The following ERC2 variants were observed in gnomAD, a reference collection of about 807,000 sequenced individuals.
ERC2 encodes the protein ERC protein 2.
In ERC2, 42 loss-of-function variants were observed where a neutral mutation model predicts 114.8. The ratio of observed to expected loss-of-function variants is 0.37; its 90% CI spans 0.29 to 0.47. The LOEUF (loss-of-function observed/expected upper bound fraction) is 0.47, where lower values mean the gene tolerates loss of function less well. ERC2 is among the 20% of genes least tolerant of loss of function. ERC2 has a pLI of 0.99. For synonymous variants in ERC2, 454 were observed against 425.5 expected (o/e 1.07, Z -0.82); for missense variants, 939 against 1,150.7 (o/e 0.82, Z 2.66).
At chr3:56,460,670 G>A (rs947145196) in intron 1 of ERC2, among the ~76,000 whole-genome samples, 5 of 152,140 alleles carry the variant, frequency 3.3e-5, no homozygotes, top group African/African-American at 1.2e-4. Context: ...CAAGTAGTAA[G>A]GAACTATCTG....
At chr3:55,933,054 C>T (rs1437150826) in intron 13 of ERC2, among the ~76,000 whole-genome samples, 3 of 152,062 alleles carry the variant, frequency 2.0e-5, no homozygotes, top group South Asian at 2.1e-4. Context: ...ACTAAAACTA[C>T]AAAAATTAAC....
At chr3:56,044,728 G>C (rs1328707353) in intron 7 of ERC2, among the ~76,000 whole-genome samples, 1 of 152,028 alleles carries the variant, frequency 6.6e-6, no homozygotes, top group African/African-American at 2.4e-5. Context: ...TGTTATAAGA[G>C]TCACCGGGGG....
At chr3:56,237,106 C>A (rs1008018747) in intron 3 of ERC2, among the ~76,000 whole-genome samples, 2 of 152,124 alleles carry the variant, frequency 1.3e-5, no homozygotes, top group Non-Finnish European at 2.9e-5. Context: ...TCCTTTAGAC[C>A]AATAAGATTT....
In ERC2 at chr3:55,868,366, T is replaced by G. The variant is rs904032625; in HGVS notation, c.2564+20023A>C. The stretch of plus-strand genomic sequence containing the variant: ...GGATTCCTGTAAACTGTTTGTTGAC[T>G]GGATTTAGGAACCCTGGAGCCTGTA... On this transcript the variant is annotated intron_variant, in intron 14 of 17. Coordinates refer to ENST00000288221, the MANE Select transcript of ERC2 (RefSeq NM_015576.3). 1.2e-4 allele frequency among the ~76,000 whole-genome samples: 18 copies of G among 152,216 alleles called. 1 individual carries two copies. The highest frequency in any genetic ancestry group is 2.9e-4 in the African/African-American group (12 of 41,470).
At chr3:55,985,880 G>A in intron 12 of ERC2, 97 bp downstream of exon 12, 1 of 1,162,122 alleles carries the variant, frequency 8.6e-7, no homozygotes, top group Non-Finnish European at 1.2e-6. Flanking sequence ...AGTGGCCCGA[G>A]GAAAACCATT....
intron 4 of ERC2, among the ~76,000 whole-genome samples, chr3:56,149,989 A>C (rs572281423): frequency 6.6e-6 from 1 of 152,162 alleles, no homozygotes; most frequent in South Asian, 2.1e-4. Flanking sequence ...ATGACGAAAA[A>C]TTTTTCCACA....
intron 17 of ERC2, among the ~76,000 whole-genome samples, chr3:55,676,762 A>T (rs1185825035): frequency 6.6e-6 from 1 of 152,180 alleles, no homozygotes; most frequent in Non-Finnish European, 1.5e-5. Context: ...ACTCTAAAGC[A>T]AATGACAAAA....
chr3:56,441,912 G>C (rs938197042), intron 1 of ERC2, among the ~76,000 whole-genome samples: 1 of 152,198 alleles, frequency 6.6e-6, no homozygotes, highest in Non-Finnish European at 1.5e-5. Context: ...AGTGGCGTGT[G>C]CCTGTAGTCC....
At chr3:56,066,117 T>C (rs1186452448) in intron 7 of ERC2, among the ~76,000 whole-genome samples, 1 of 152,198 alleles carries the variant, frequency 6.6e-6, no homozygotes, top group Non-Finnish European at 1.5e-5. Flanking sequence ...CTTTGAGGAA[T>C]CACCACTGTC....
chr3:55,554,459 C>T (rs1453239011), intron 17 of ERC2, among the ~76,000 whole-genome samples: 3 of 152,132 alleles, frequency 2.0e-5, no homozygotes, highest in Non-Finnish European at 1.5e-5. Flanking sequence ...GCAGACGGGA[C>T]CTGAAGGAGT....
intron 2 of ERC2, among the ~76,000 whole-genome samples, chr3:56,405,610 T>C (rs1013517356): frequency 6.6e-6 from 1 of 150,894 alleles, no homozygotes; most frequent in African/African-American, 2.5e-5. Context: ...CATAGATAGA[T>C]GGATAGATGG....
intron 7 of ERC2, among the ~76,000 whole-genome samples, chr3:56,027,139 T>C (rs1017658533): frequency 6.6e-6 from 1 of 152,258 alleles, no homozygotes. Flanking sequence ...GTTATAGTTA[T>C]CAACAACTTC....
At chr3:55,550,465 T>A (rs2055089688) in intron 17 of ERC2, among the ~76,000 whole-genome samples, 1 of 152,212 alleles carries the variant, frequency 6.6e-6, no homozygotes, top group South Asian at 2.1e-4. Flanking sequence ...GTTGAACCAA[T>A]GCATAAATAA....
intron 7 of ERC2, among the ~76,000 whole-genome samples, chr3:56,030,411 G>C (rs1056705894): frequency 3.3e-5 from 5 of 152,018 alleles, no homozygotes; most frequent in African/African-American, 1.2e-4. Flanking sequence ...GCTGATAGTG[G>C]TATGTTGAAG....
At chr3:55,862,375 T>C (rs908674063) in intron 14 of ERC2, among the ~76,000 whole-genome samples, 1 of 152,148 alleles carries the variant, frequency 6.6e-6, no homozygotes, top group Non-Finnish European at 1.5e-5. Flanking sequence ...TATGGAAAGA[T>C]GTCCTTTCCT....
intron 2 of ERC2, among the ~76,000 whole-genome samples, chr3:56,316,102 A>G (rs564741983): frequency 6.6e-6 from 1 of 151,930 alleles, no homozygotes; most frequent in Non-Finnish European, 1.5e-5. Flanking sequence ...TCTGTACTCT[A>G]TTTAAGATGC....
chr3:55,619,905 G>A (rs959792578), intron 17 of ERC2, among the ~76,000 whole-genome samples: 18 of 152,288 alleles, frequency 1.2e-4, no homozygotes, highest in Middle Eastern at 3.4e-3. Flanking sequence ...TTCATCTCTT[G>A]AGTTCAAAGA....
At position 55,743,794 on chromosome 3, in the gene ERC2, T is replaced by C. The variant is rs563946973; in HGVS notation, c.2565-8876A>G. ...GAGTTTGAATCTCAGGGATAACCTT[T>C]TGACTGTGGCCCTGGGTAAGTTACT... On this transcript the variant is annotated intron_variant, in intron 14 of 17. Transcript: ENST00000288221. Among the ~76,000 whole-genome samples the C allele has an allele frequency of 2.0e-5, 3 of 152,208 alleles. No homozygotes were observed. In the East Asian group the frequency reaches 5.8e-4, roughly 29 times the overall value.
intron 12 of ERC2, among the ~76,000 whole-genome samples, chr3:55,962,473 T>C (rs1055507555): frequency 6.6e-6 from 1 of 152,226 alleles, no homozygotes; most frequent in African/African-American, 2.4e-5. Context: ...CAATAAAACT[T>C]TATTTGCAAG....
Sources: allele counts gnomAD v4.1 joint callset (sites outside exome capture counted in the v4.1 genomes callset), GRCh38; gene constraint gnomAD v4.1.1; transcripts MANE v1.5; gene names NCBI Gene and HGNC (gene_info 2026-07-23, HGNC 2026-07-21).